COTL1: variants seen among roughly 807,000 people sequenced by gnomAD.
COTL1 encodes the protein coactosin-like protein.
A neutral mutation model predicts 16.5 loss-of-function variants in COTL1; 15 were observed. The observed-to-expected ratio is 0.91, with a 90% CI of 0.61 to 1.40. The LOEUF (loss-of-function observed/expected upper bound fraction) is 1.40, where lower values mean the gene tolerates loss of function less well. Ranked by LOEUF, COTL1 falls within the 40% of genes most tolerant of loss-of-function variation. The probability of loss-of-function intolerance (pLI) is 0.00; values close to 1 mark genes in which losing one functional copy is unlikely to be tolerated. For synonymous variants in COTL1, 112 were observed against 85.3 expected (o/e 1.31, Z -1.73); for missense variants, 220 against 201.5 (o/e 1.09, Z -0.56).
rs1016383908 is a variant in COTL1 at position 84,565,899 on chromosome 16, T to C, written c.*946A>G. On this transcript the variant is annotated 3_prime_UTR_variant, in exon 4 of 4. Coordinates refer to ENST00000262428, the MANE Select transcript of COTL1 (RefSeq NM_021149.5). ...CTAGCGCGGCGGGCAGAGCAACCCT[T>C]CGGCCCAAGCCATCCTCGCAGCTTA... 2 of 152,312 alleles carry C rather than the reference T, an allele frequency of 1.3e-5. No individual in the cohort carries two copies. Among genetic ancestry groups the C allele is most frequent in the Non-Finnish European group, 2.9e-5 (2 of 68,092 alleles). The allele number at this position is 152,312 out of a possible 1,614,324, so 9.4% of individuals were successfully genotyped here.
intron 2 of COTL1, among the ~76,000 whole-genome samples, chr16:84,612,300 G>A (rs1298125553): frequency 2.6e-5 from 4 of 152,002 alleles, no homozygotes; most frequent in Non-Finnish European, 4.4e-5. Flanking sequence ...TTGAACTACT[G>A]AGCTAAGCAC....
At chr16:84,616,952 C>T (rs1299262731) in intron 2 of COTL1, among the ~76,000 whole-genome samples, 2 of 152,208 alleles carry the variant, frequency 1.3e-5, no homozygotes, top group African/African-American at 4.8e-5. Context: ...GACATTCACA[C>T]CATAGATTAG....
chr16:84,591,366 G>A (rs147767876), intron 2 of COTL1, among the ~76,000 whole-genome samples: 1 of 150,870 alleles, frequency 6.6e-6, no homozygotes, highest in Non-Finnish European at 1.5e-5. Flanking sequence ...TGTATTTTTA[G>A]TAGAGATGGG....
chr16:84,613,504 A>G (rs1905387423), intron 2 of COTL1, among the ~76,000 whole-genome samples: 3 of 152,096 alleles, frequency 2.0e-5, no homozygotes, highest in South Asian at 2.1e-4. Context: ...TGGAGCTACT[A>G]GAGAGGAGAT....
Position 84,590,449 on chromosome 16 carries a change from C to T in COTL1, c.161-187G>A. 2 of 554,530 alleles carry T rather than the reference C, an allele frequency of 3.6e-6. No individual in the cohort carries two copies. Among genetic ancestry groups the T allele is most frequent in the Non-Finnish European group, 6.2e-6 (2 of 322,678 alleles). The allele number at this position is 554,530 out of a possible 1,614,324, so 34.4% of individuals were successfully genotyped here. On this transcript the variant is annotated intron_variant, in intron 2 of 3. Transcript: ENST00000262428. The surrounding 1 kb of genome is among the most constrained non-coding windows in gnomAD (Gnocchi z 5.5). ...TCATCCGCTGCCCTTGTCACACTCCCCTGAATCCTGGCAACAGTGCTGCAG... is the reference window on the plus strand; with the variant it reads ...TCATCCGCTGCCCTTGTCACACTCCTCTGAATCCTGGCAACAGTGCTGCAG...
chr16:84,576,583 A>G (rs914553407), intron 3 of COTL1: 2 of 152,170 alleles, frequency 1.3e-5, no homozygotes, highest in Admixed American at 1.3e-4. Flanking sequence ...AAATGCCCGG[A>G]AGGCAGTATT....
At chr16:84,586,045 G>A (rs556793387) in intron 3 of COTL1, among the ~76,000 whole-genome samples, 3 of 152,196 alleles carry the variant, frequency 2.0e-5, no homozygotes, top group African/African-American at 7.2e-5. Flanking sequence ...GGCCAATCAG[G>A]GTCCTCTTAA....
chr16:84,610,810 T>A (rs1905306090), intron 2 of COTL1, among the ~76,000 whole-genome samples: 1 of 152,142 alleles, frequency 6.6e-6, no homozygotes, highest in African/African-American at 2.4e-5. Flanking sequence ...CTCATGGGAA[T>A]ATCATCTCCA....
intron 2 of COTL1, among the ~76,000 whole-genome samples, chr16:84,602,200 A>G (rs1191911921): frequency 9.6e-6 from 1 of 104,504 alleles, no homozygotes; most frequent in Non-Finnish European, 2.1e-5. Flanking sequence ...GTTTCAGTTC[A>G]ATGGGGGTGG....
intron 3 of COTL1, among the ~76,000 whole-genome samples, chr16:84,581,446 G>C (rs1398515735): frequency 1.3e-5 from 2 of 152,132 alleles, no homozygotes; most frequent in African/African-American, 4.8e-5. Context: ...CTCATCCCAT[G>C]GAGGGTTGTA....
chr16:84,593,657 G>A (rs565497130), intron 2 of COTL1, among the ~76,000 whole-genome samples: 17 of 151,914 alleles, frequency 1.1e-4, no homozygotes, highest in South Asian at 2.1e-4. Flanking sequence ...GACTACAGGC[G>A]CCCGCCACCA....
chr16:84,607,090 A>T (rs1183569918), intron 2 of COTL1, among the ~76,000 whole-genome samples: 1 of 152,208 alleles, frequency 6.6e-6, no homozygotes, highest in Non-Finnish European at 1.5e-5. Flanking sequence ...CCCGCCAAGG[A>T]TACCACCACC....
rs71386853 is a variant in COTL1 at position 84,571,831 on chromosome 16, G to A, written c.319-4876C>T. Among the ~76,000 whole-genome samples, 899 of 152,308 alleles carry A rather than the reference G, an allele frequency of 5.9e-3. 7 individuals carry two copies. Among genetic ancestry groups the A allele is most frequent in the Non-Finnish European group, 7.3e-3 (498 of 68,024 alleles). On this transcript the variant is annotated intron_variant, in intron 3 of 3. Coordinates refer to ENST00000262428, the MANE Select transcript of COTL1 (RefSeq NM_021149.5). ...CCCAGCCTGCTCCTGAGTGGACACC[G>A]AGCCGCTCCCACCTTCTATAGGGCC...
rs113170129 is a variant in COTL1, at chr16:84,566,686, C to G, written c.*159G>C. The G allele has an allele frequency of 2.6e-3, 1,530 of 588,550 alleles. 24 individuals carry two copies. The highest frequency in any genetic ancestry group is 0.025 in the African/African-American group (1,353 of 53,594). The allele number at this position is 588,550 out of a possible 1,614,324, so 36.5% of individuals were successfully genotyped here. On this transcript the variant is annotated 3_prime_UTR_variant, in exon 4 of 4. Transcript: ENST00000262428. Reference sequence around the variant, plus strand: ...GGACACGGCAGGGTTCTAAGGGAAGCGGGAAGGTGGGGGCTGTGGACACAG... The same window carrying G: ...GGACACGGCAGGGTTCTAAGGGAAGGGGGAAGGTGGGGGCTGTGGACACAG...
intron 2 of COTL1, among the ~76,000 whole-genome samples, chr16:84,599,133 T>A (rs1278655812): frequency 1.8e-5 from 2 of 111,858 alleles, no homozygotes; most frequent in African/African-American, 7.1e-5. Flanking sequence ...AGGTCAGCAC[T>A]GAGGAAGAGA....
chr16:84,586,634 A>G (rs542630850), intron 3 of COTL1, among the ~76,000 whole-genome samples: 13 of 152,272 alleles, frequency 8.5e-5, no homozygotes, highest in African/African-American at 2.9e-4. Context: ...TTTTAGACAG[A>G]GTCTTGCTGC....
At chr16:84,591,860 AATAAAATAAAATAAAATAAAAAT>A (rs61457006) in intron 2 of COTL1, among the ~76,000 whole-genome samples, 30,911 of 150,678 alleles carry the variant, frequency 0.21, 3,602 homozygotes, top group African/African-American at 0.31. Flanking sequence ...AATAAAATAA[AATAAAATAAAATAAAATAAAAAT>A]ATGTGCGTGC....
At chr16:84,602,206 G>C (rs1358568880) in intron 2 of COTL1, among the ~76,000 whole-genome samples, 1 of 106,268 alleles carries the variant, frequency 9.4e-6, no homozygotes, top group East Asian at 4.7e-4. Context: ...GTTCAATGGG[G>C]GTGGGGGGGG....
intron 2 of COTL1, among the ~76,000 whole-genome samples, chr16:84,609,067 G>C (rs1219961854): frequency 6.6e-6 from 1 of 152,100 alleles, no homozygotes; most frequent in African/African-American, 2.4e-5. Context: ...CATTCCCTTA[G>C]ACCTTAGGAA....
Sources: allele counts gnomAD v4.1 joint callset (sites outside exome capture counted in the v4.1 genomes callset), GRCh38; gene constraint gnomAD v4.1.1; non-coding constraint Gnocchi (gnomAD v3.1); transcripts MANE v1.5; gene names NCBI Gene and HGNC (gene_info 2026-07-23, HGNC 2026-07-21).